Variants in RFX7 observed in about 807,000 individuals in gnomAD.
RFX7 encodes the protein regulatory factor X7.
Under a neutral mutation model 111.8 loss-of-function variants are expected in RFX7, and 26 were observed. That is an observed-to-expected ratio of 0.23 (90% CI 0.17 to 0.32). The LOEUF (loss-of-function observed/expected upper bound fraction) is 0.32. Among genes scored for constraint, RFX7 ranks in the 10% least tolerant of loss-of-function variants. The probability of loss-of-function intolerance (pLI) is 1.00; values close to 1 mark genes in which losing one functional copy is unlikely to be tolerated. For missense variants in RFX7, 1,573 were observed against 1,772.9 expected, an observed-to-expected ratio of 0.89 and a Z score of 2.02; for synonymous variants, 624 against 624.4, an observed-to-expected ratio of 1.00 and a Z score of 0.01.
intron 2 of RFX7, among the ~76,000 whole-genome samples, chr15:56,190,037 A>T (rs1367841954): frequency 6.6e-6 from 1 of 152,252 alleles, no homozygotes; most frequent in African/African-American, 2.4e-5. Flanking sequence ...ACACAGAGGA[A>T]CATGGATGAA....
chr15:56,239,681 T>G (rs2043665178), intron 2 of RFX7, among the ~76,000 whole-genome samples: 3 of 152,160 alleles, frequency 2.0e-5, no homozygotes, highest in Admixed American at 2.0e-4. Context: ...CTGGAGCATC[T>G]TGAATTCTGG....
chr15:56,092,078 T>G lies in RFX7; in HGVS notation c.*1267A>C, dbSNP rs1207444616. ...TCAACATGCAACTCATAAATAATTA[T>G]TCACAAAACAAAATGGGAGCCATAG... On this transcript the variant is annotated 3_prime_UTR_variant, in exon 10 of 10. Coordinates refer to ENST00000559447, the MANE Select transcript of RFX7 (RefSeq NM_022841.7). 6.6e-6 allele frequency: 1 copy of G among 152,532 alleles called. No homozygotes were observed. The highest frequency in any genetic ancestry group is 2.4e-5 in the African/African-American group (1 of 41,438). The allele number at this position is 152,532 out of a possible 1,614,324, so 9.4% of individuals were successfully genotyped here.
At chr15:56,096,781 C>CA (rs2041685320) in intron 9 of RFX7, among the ~76,000 whole-genome samples, 161 bp from the exon 10 acceptor site, 1 of 152,128 alleles carries the variant, frequency 6.6e-6, no homozygotes, top group Non-Finnish European at 1.5e-5. Context: ...TCTACACAAT[C>CA]AGACACATAA....
In RFX7 at chr15:56,157,871, G is replaced by A. The variant is rs144361723; in HGVS notation, c.196-13388C>T. ...TGGGATTACAGGCGTGAGCCACTGC[G>A]CCCGGCCTAACAATTTATCCTTAAG... On this transcript the variant is annotated intron_variant, in intron 3 of 9. Transcript: ENST00000559447. 4.1e-4 allele frequency among the ~76,000 whole-genome samples: 62 copies of A among 152,282 alleles called. 1 individual carries two copies. In the East Asian group the frequency reaches 0.01, roughly 25 times the overall value.
chr15:56,241,568 C>T (rs1160730912), intron 2 of RFX7, among the ~76,000 whole-genome samples: 3 of 152,128 alleles, frequency 2.0e-5, no homozygotes, highest in Non-Finnish European at 2.9e-5. Flanking sequence ...CACAAAGTTA[C>T]GTCACGTTAC....
At chr15:56,148,589 A>C (rs1028861881) in intron 3 of RFX7, among the ~76,000 whole-genome samples, 1 of 152,206 alleles carries the variant, frequency 6.6e-6, no homozygotes, top group Non-Finnish European at 1.5e-5. Context: ...TTGACAAAAA[A>C]TACTGACATA....
intron 2 of RFX7, among the ~76,000 whole-genome samples, chr15:56,183,829 A>ATT (rs34891239): frequency 1.3e-5 from 2 of 151,818 alleles, no homozygotes; most frequent in Admixed American, 1.3e-4. Flanking sequence ...GATAATTTGC[A>ATT]TTTTTTTAAT....
chr15:56,160,244 C>T (rs1263891363), intron 3 of RFX7, among the ~76,000 whole-genome samples: 1 of 152,026 alleles, frequency 6.6e-6, no homozygotes, highest in Non-Finnish European at 1.5e-5. Context: ...TTCCAAAGTA[C>T]TGGCCAGGTT....
intron 4 of RFX7, among the ~76,000 whole-genome samples, chr15:56,143,612 T>C (rs1359789613): frequency 6.6e-6 from 1 of 152,166 alleles, no homozygotes; most frequent in African/African-American, 2.4e-5. Context: ...GAAGCTACTC[T>C]ACTGATTGTG....
chr15:56,115,552 T>C (rs1174081507), intron 5 of RFX7, among the ~76,000 whole-genome samples: 2 of 152,228 alleles, frequency 1.3e-5, no homozygotes, highest in East Asian at 1.9e-4. Context: ...ACATATGTGA[T>C]AAATATATTG....
chr15:56,131,056 A>G (rs1051433104), intron 5 of RFX7, among the ~76,000 whole-genome samples: 2 of 151,918 alleles, frequency 1.3e-5, no homozygotes, highest in African/African-American at 4.8e-5. Flanking sequence ...AAGAGTTCCA[A>G]TTCATTTTGC....
chr15:56,207,449 C>T (rs2043265727), intron 2 of RFX7, among the ~76,000 whole-genome samples: 1 of 152,050 alleles, frequency 6.6e-6, no homozygotes. Flanking sequence ...TTGCATTTTA[C>T]TATAATTAAA....
chr15:56,233,796 T>C (rs12591294), intron 2 of RFX7, among the ~76,000 whole-genome samples: 36,346 of 151,974 alleles, frequency 0.24, 4,599 homozygotes, highest in East Asian at 0.45. Flanking sequence ...GGTACTCTGC[T>C]CCAGTTCCCA....
chr15:56,120,005 T>G (rs80122604), intron 5 of RFX7, among the ~76,000 whole-genome samples: 3 of 152,140 alleles, frequency 2.0e-5, no homozygotes, highest in Non-Finnish European at 2.9e-5. Context: ...TCTTTTAATA[T>G]AAATTTGGGA....
intron 2 of RFX7, among the ~76,000 whole-genome samples, chr15:56,197,079 C>T (rs1283318082): frequency 1.3e-5 from 2 of 152,092 alleles, no homozygotes; most frequent in African/African-American, 4.8e-5. Context: ...TTCTGCCAAT[C>T]GGATGGGTAT....
intron 3 of RFX7, among the ~76,000 whole-genome samples, chr15:56,150,170 C>T (rs1159621358): frequency 6.6e-6 from 1 of 152,172 alleles, no homozygotes; most frequent in African/African-American, 2.4e-5. Context: ...GGCCAGACTG[C>T]CTGATTGCCC....
intron 5 of RFX7, among the ~76,000 whole-genome samples, chr15:56,138,586 C>T (rs565138580): frequency 6.6e-6 from 1 of 151,862 alleles, no homozygotes; most frequent in South Asian, 2.1e-4. Context: ...CAGTCTGTGT[C>T]TTTTAATTGG....
chr15:56,170,432 G>C (rs1479302006), intron 3 of RFX7, among the ~76,000 whole-genome samples: 2 of 152,084 alleles, frequency 1.3e-5, no homozygotes, highest in African/African-American at 4.8e-5. Flanking sequence ...GTCTGTTATG[G>C]GGGCGGGGGA....
At chr15:56,154,666 A>G (rs1454009898) in intron 3 of RFX7, among the ~76,000 whole-genome samples, 3 of 152,158 alleles carry the variant, frequency 2.0e-5, no homozygotes, top group Non-Finnish European at 2.9e-5. Context: ...AAGACCTAGG[A>G]CCATAAAAAT....
Sources: allele counts gnomAD v4.1 joint callset (sites outside exome capture counted in the v4.1 genomes callset), GRCh38; gene constraint gnomAD v4.1.1; transcripts MANE v1.5; gene names NCBI Gene and HGNC (gene_info 2026-07-23, HGNC 2026-07-21).